SLC16A9: variants seen among roughly 807,000 people sequenced by gnomAD.
SLC16A9 encodes the protein solute carrier family 16 member 9.
A neutral mutation model predicts 44.3 loss-of-function variants in SLC16A9; 26 were observed. That is an observed-to-expected ratio of 0.59 (90% CI 0.43 to 0.81). The LOEUF (loss-of-function observed/expected upper bound fraction) is 0.81, where lower values mean the gene tolerates loss of function less well. Ranked by LOEUF, SLC16A9 falls within the 40% of genes least tolerant of loss-of-function variation. SLC16A9 has a pLI of 0.00. For synonymous variants in SLC16A9, 230 were observed against 225.1 expected (o/e 1.02, Z -0.19); for missense variants, 559 against 595.8 (o/e 0.94, Z 0.64).
intron 4 of SLC16A9, among the ~76,000 whole-genome samples, chr10:59,662,566 G>A (rs1446995283): frequency 6.9e-6 from 1 of 145,830 alleles, no homozygotes; most frequent in Non-Finnish European, 1.5e-5. Context: ...ACTGGAAGGT[G>A]GAGGTTGCAG....
intron 1 of SLC16A9, among the ~76,000 whole-genome samples, chr10:59,701,708 C>T (rs1456877300): frequency 2.0e-5 from 3 of 152,122 alleles, no homozygotes; most frequent in African/African-American, 7.2e-5. Context: ...CTAGGATGTC[C>T]AACAAATCTG....
chr10:59,668,562 T>C (rs192333773), intron 3 of SLC16A9, among the ~76,000 whole-genome samples: 219 of 152,358 alleles, frequency 1.4e-3, no homozygotes, highest in Non-Finnish European at 2.6e-3. Flanking sequence ...TTCCTCCAAC[T>C]AGACAATTGG....
At chr10:59,696,254 C>A (rs1279476389) in intron 1 of SLC16A9, among the ~76,000 whole-genome samples, 1 of 152,222 alleles carries the variant, frequency 6.6e-6, no homozygotes, top group Non-Finnish European at 1.5e-5. Flanking sequence ...TAGGCGCGGG[C>A]CCCCACGCCT....
At chr10:59,680,165 TC>T (rs1190808844) in intron 2 of SLC16A9, among the ~76,000 whole-genome samples, 3 of 152,088 alleles carry the variant, frequency 2.0e-5, no homozygotes, top group Admixed American at 1.3e-4. Context: ...GCTTTATTCA[TC>T]CCAGGGATTA....
At chr10:59,662,317 G>A (rs753573251) in intron 4 of SLC16A9, among the ~76,000 whole-genome samples, 38 of 151,344 alleles carry the variant, frequency 2.5e-4, no homozygotes, top group Middle Eastern at 3.4e-3. Context: ...AAAAAGTGGT[G>A]AAGGATATGA....
At chr10:59,674,300 A>C (rs1839813530) in intron 2 of SLC16A9, among the ~76,000 whole-genome samples, 2 of 152,160 alleles carry the variant, frequency 1.3e-5, no homozygotes, top group Admixed American at 6.5e-5. Context: ...CATTCTTCCC[A>C]ATACCAGAGA....
intron 4 of SLC16A9, among the ~76,000 whole-genome samples, chr10:59,656,214 C>T (rs11006660): frequency 0.03 from 4,491 of 152,204 alleles, 210 homozygotes; most frequent in African/African-American, 0.1. Flanking sequence ...AAGTTAAAAA[C>T]GCTACAGAAA....
chr10:59,697,550 T>C (rs908039585), intron 1 of SLC16A9, among the ~76,000 whole-genome samples: 3 of 149,580 alleles, frequency 2.0e-5, no homozygotes, highest in African/African-American at 7.3e-5. Context: ...TCGTTAAGAG[T>C]CATCGCCACT....
intron 1 of SLC16A9, among the ~76,000 whole-genome samples, chr10:59,692,359 G>A (rs1392412059): frequency 6.6e-6 from 1 of 152,206 alleles, no homozygotes; most frequent in African/African-American, 2.4e-5. Context: ...TGCTGCTGTG[G>A]CAGATGAAAA....
rs748701864 is a variant in SLC16A9 at position 59,672,871 on chromosome 10, G to A, written c.239C>T (p.Pro80Leu). ...SLCVSSFGAR[P>L]VTIFSGFMVA... is the part of the protein sequence containing the mutation. ...CATGAAGCCACTGAAGATTGTGACA[G>A]GTCTTGCTCCAAAAGATGAGACACA... Residue 80 changes from proline to leucine, a missense_variant, in exon 3 of 6, where the codon CCT becomes CTT. By Grantham distance (98) the Pro-to-Leu change is moderately conservative (BLOSUM62 -3). Coordinates refer to ENST00000395348, the MANE Select transcript of SLC16A9 (RefSeq NM_194298.3). 1 of 1,613,458 alleles carries A rather than the reference G, an allele frequency of 6.2e-7. No homozygotes were observed. The highest frequency in any genetic ancestry group is 8.5e-7 in the Non-Finnish European group (1 of 1,179,726).
chr10:59,678,160 C>T (rs555457500), intron 2 of SLC16A9, among the ~76,000 whole-genome samples: 1 of 151,676 alleles, frequency 6.6e-6, no homozygotes, highest in South Asian at 2.1e-4. Flanking sequence ...GCAGTGAATA[C>T]ATAAGTTGGC....
At chr10:59,704,257 A>G (rs1840591598) in intron 1 of SLC16A9, among the ~76,000 whole-genome samples, 1 of 152,058 alleles carries the variant, frequency 6.6e-6, no homozygotes, top group African/African-American at 2.4e-5. Context: ...CACCTGTGCT[A>G]TCCCCCATAC....
chr10:59,664,823 T>C (rs561054052), intron 3 of SLC16A9, among the ~76,000 whole-genome samples: 1 of 152,284 alleles, frequency 6.6e-6, no homozygotes, highest in South Asian at 2.1e-4. Flanking sequence ...CCCTGTGGGG[T>C]TCTCATATCA....
At chr10:59,693,559 C>T (rs953001412) in intron 1 of SLC16A9, among the ~76,000 whole-genome samples, 12 of 152,104 alleles carry the variant, frequency 7.9e-5, no homozygotes, top group African/African-American at 2.4e-4. Flanking sequence ...GAATTTTCTA[C>T]GGTTTGAAAT....
upstream of SLC16A9, chr10:59,710,007 C>A (rs187741506): frequency 0.033 from 4,973 of 152,222 alleles, 149 homozygotes; most frequent in East Asian, 0.07. Context: ...CGGCCCCGGC[C>A]CTACCAGGCC....
intron 1 of SLC16A9, among the ~76,000 whole-genome samples, chr10:59,686,619 T>A (rs980444724): frequency 6.6e-6 from 1 of 152,152 alleles, no homozygotes. Context: ...GATGTCTGTA[T>A]GTTAATTTTA....
intron 1 of SLC16A9, among the ~76,000 whole-genome samples, chr10:59,703,778 G>A (rs530050113): frequency 6.6e-6 from 1 of 151,724 alleles, no homozygotes; most frequent in South Asian, 2.1e-4. Flanking sequence ...GAGTGCAGTG[G>A]CGAGATCTCG....
intron 1 of SLC16A9, among the ~76,000 whole-genome samples, chr10:59,691,092 A>G (rs772503180): frequency 2.0e-5 from 3 of 152,232 alleles, no homozygotes; most frequent in South Asian, 4.1e-4. Context: ...CTCTAAATAA[A>G]TAAGTAAGTA....
intron 3 of SLC16A9, among the ~76,000 whole-genome samples, chr10:59,671,355 G>A (rs757861054): frequency 7.9e-5 from 12 of 152,210 alleles, no homozygotes; most frequent in East Asian, 1.9e-4. Flanking sequence ...GAATGATAAC[G>A]TGAGTCTTTC....
Sources: allele counts gnomAD v4.1 joint callset (sites outside exome capture counted in the v4.1 genomes callset), GRCh38; gene constraint gnomAD v4.1.1; transcripts MANE v1.5; gene names NCBI Gene and HGNC (gene_info 2026-07-23, HGNC 2026-07-21).